The following NBEA variants were observed in gnomAD, a reference collection of about 807,000 sequenced individuals.
NBEA encodes lysosomal-trafficking regulator 2.
A neutral mutation model predicts 343.4 loss-of-function variants in NBEA; 44 were observed. That is an observed-to-expected ratio of 0.13 (90% CI 0.10 to 0.16). The LOEUF is 0.16. Ranked by LOEUF, NBEA falls within the 10% of genes least tolerant of loss-of-function variation. The pLI is 1.00. For missense variants in NBEA, 2,555 were observed against 3,631.3 expected (o/e 0.70, Z 7.62); for synonymous variants, 1,175 against 1,238.7 (o/e 0.95, Z 1.08).
chr13:35,081,077 G>T (rs753083059), intron 10 of NBEA, among the ~76,000 whole-genome samples: 2 of 152,088 alleles, frequency 1.3e-5, no homozygotes, highest in Non-Finnish European at 2.9e-5. Context: ...AATGAAATAT[G>T]TATACATAAA....
At chr13:35,347,963 C>CA (rs1406752792) in intron 36 of NBEA, among the ~76,000 whole-genome samples, 2 of 151,656 alleles carry the variant, frequency 1.3e-5, no homozygotes, top group Non-Finnish European at 2.9e-5. Flanking sequence ...AGAGAGAGTT[C>CA]AAAAAAAATC....
At chr13:35,326,765 A>C (rs1477822796) in intron 36 of NBEA, among the ~76,000 whole-genome samples, 1 of 152,026 alleles carries the variant, frequency 6.6e-6, no homozygotes, top group East Asian at 1.9e-4. Context: ...AAGCAATTAC[A>C]ACAAAAACAA....
intron 30 of NBEA, among the ~76,000 whole-genome samples, chr13:35,195,177 T>A (rs913612867): frequency 1.3e-5 from 2 of 152,060 alleles, no homozygotes; most frequent in African/African-American, 4.8e-5. Flanking sequence ...TAGAGAAATA[T>A]AAGAATTTCT....
At chr13:35,378,310 A>G (rs2152889479) in intron 38 of NBEA, among the ~76,000 whole-genome samples, 1 of 152,334 alleles carries the variant, frequency 6.6e-6, no homozygotes, top group African/African-American at 2.4e-5. Flanking sequence ...TTGCTAGTAG[A>G]TTCTAAGAGA....
At chr13:35,570,903 G>A (rs1184005228) in intron 45 of NBEA, among the ~76,000 whole-genome samples, 1 of 152,172 alleles carries the variant, frequency 6.6e-6, no homozygotes, top group Non-Finnish European at 1.5e-5. Flanking sequence ...ATGAAGAGAT[G>A]TCCACTAAGA....
chr13:35,085,100 C>T (rs2064669617), intron 10 of NBEA, among the ~76,000 whole-genome samples: 1 of 151,984 alleles, frequency 6.6e-6, no homozygotes, highest in Non-Finnish European at 1.5e-5. Context: ...AATAGCTTAC[C>T]AACCAAAAAA....
In NBEA at chr13:35,182,655, A is replaced by T. The variant is rs946089054; in HGVS notation, c.4831+127A>T. On this transcript the variant is annotated intron_variant, in intron 29 of 58. Coordinates refer to ENST00000379939, the MANE Select transcript of NBEA (RefSeq NM_001385012.1). Reference sequence around the variant, plus strand: ...AATATTTATGAATGGTTGGTATAGAAATGCTAATTTAGTATTCCTTAATTC... The same window carrying T: ...AATATTTATGAATGGTTGGTATAGATATGCTAATTTAGTATTCCTTAATTC... 7.9e-6 allele frequency: 7 copies of T among 889,710 alleles called. No homozygotes were observed. The African/African-American group carries it at 1.2e-4, about 16-fold the overall frequency. The allele number at this position is 889,710 out of a possible 1,614,324, so 55.1% of individuals were successfully genotyped here.
intron 24 of NBEA, among the ~76,000 whole-genome samples, chr13:35,168,126 T>C (rs1485098742): frequency 6.6e-6 from 1 of 151,766 alleles, no homozygotes; most frequent in Non-Finnish European, 1.5e-5. Context: ...GTTTTGCTGT[T>C]CTTTTGTTTA....
At chr13:35,537,124 A>G (rs1221392461) in intron 41 of NBEA, among the ~76,000 whole-genome samples, 1 of 152,216 alleles carries the variant, frequency 6.6e-6, no homozygotes, top group African/African-American at 2.4e-5. Flanking sequence ...AAGAAAGCAT[A>G]ATAAAATACA....
At chr13:35,175,081 C>T (rs182658861) in intron 27 of NBEA, among the ~76,000 whole-genome samples, 18 of 152,214 alleles carry the variant, frequency 1.2e-4, no homozygotes, top group South Asian at 6.2e-4. Context: ...TGAGCCACCA[C>T]GCCCGGCCAC....
At chr13:34,964,488 ATTATTC>A (rs1048268841) in intron 1 of NBEA, among the ~76,000 whole-genome samples, 10 of 152,062 alleles carry the variant, frequency 6.6e-5, no homozygotes, top group Admixed American at 2.6e-4. Flanking sequence ...CTGGAATTTA[ATTATTC>A]TTATGGCTCC....
intron 9 of NBEA, 35 bp downstream of exon 9, chr13:35,070,140 T>G (rs752197055): frequency 1.4e-6 from 2 of 1,448,340 alleles, no homozygotes; most frequent in South Asian, 2.9e-5. Context: ...CATGTTCTTG[T>G]CAGAATTTGA....
At chr13:35,539,626 G>A (rs923847291) in intron 41 of NBEA, among the ~76,000 whole-genome samples, 5 of 151,098 alleles carry the variant, frequency 3.3e-5, no homozygotes, top group African/African-American at 1.2e-4. Flanking sequence ...AAATTAAAAA[G>A]TGCACTAGGG....
At chr13:34,974,341 A>G (rs1237968217) in intron 1 of NBEA, among the ~76,000 whole-genome samples, 1 of 152,122 alleles carries the variant, frequency 6.6e-6, no homozygotes, top group Non-Finnish European at 1.5e-5. Flanking sequence ...TCTTTTTGCC[A>G]GAGTAGAAGT....
chr13:35,423,938 T>A (rs1222468099), intron 38 of NBEA, among the ~76,000 whole-genome samples: 2 of 152,208 alleles, frequency 1.3e-5, no homozygotes, highest in Admixed American at 1.3e-4. Flanking sequence ...CACTCATGAT[T>A]TGGCTCTCTG....
chr13:35,039,397 C>T lies in NBEA; in HGVS notation c.295-1536C>T, dbSNP rs189165627. The stretch of plus-strand genomic sequence containing the variant: ...GTTGTTTGTTAACTTAGTGTCCTTG[C>T]GGTAGGGTTAGAGGGACGATCTGTG... On this transcript the variant is annotated intron_variant, in intron 1 of 58. Transcript: ENST00000379939. 4.6e-5 allele frequency among the ~76,000 whole-genome samples: 7 copies of T among 152,214 alleles called. No homozygotes were observed. The East Asian group carries it at 5.8e-4, about 13-fold the overall frequency.
chr13:35,594,735 A>G (rs2153044353), intron 47 of NBEA, among the ~76,000 whole-genome samples: 1 of 152,130 alleles, frequency 6.6e-6, no homozygotes, highest in Middle Eastern at 3.4e-3. Flanking sequence ...AGAAAATGGG[A>G]GTCCATAGGC....
chr13:35,100,755 CT>C (rs1415033770), intron 11 of NBEA, among the ~76,000 whole-genome samples: 1 of 151,906 alleles, frequency 6.6e-6, no homozygotes, highest in African/African-American at 2.4e-5. Context: ...TTAATTTGCA[CT>C]TTTCCTAGAT....
intron 47 of NBEA, among the ~76,000 whole-genome samples, chr13:35,600,781 C>T (rs2082010063): frequency 6.6e-6 from 1 of 152,116 alleles, no homozygotes; most frequent in African/African-American, 2.4e-5. Context: ...TGTAAGGTAG[C>T]ATTTCCCTGG....
Sources: allele counts gnomAD v4.1 joint callset (sites outside exome capture counted in the v4.1 genomes callset), GRCh38; gene constraint gnomAD v4.1.1; transcripts MANE v1.5; gene names NCBI Gene and HGNC (gene_info 2026-07-23, HGNC 2026-07-21).